Variants in JPH1 observed in about 807,000 individuals in gnomAD.
JPH1 encodes the protein junctophilin 1.
JPH1 carries 12 observed loss-of-function variants against 53.6 expected under a neutral mutation model. The ratio of observed to expected loss-of-function variants is 0.22; its 90% CI spans 0.14 to 0.36. JPH1 has a LOEUF of 0.36. Ranked by LOEUF, JPH1 falls within the 10% of genes least tolerant of loss-of-function variation. JPH1 has a pLI of 1.00. For missense variants in JPH1, 808 were observed against 905.5 expected (o/e 0.89, Z 1.38); for synonymous variants, 375 against 363.8 (o/e 1.03, Z -0.35).
At chr8:74,270,157 A>G (rs1420712851) in intron 2 of JPH1, among the ~76,000 whole-genome samples, 1 of 152,188 alleles carries the variant, frequency 6.6e-6, no homozygotes, top group Non-Finnish European at 1.5e-5. Flanking sequence ...ACATCTTACT[A>G]AAGACTGTAG....
At chr8:74,318,191 CTT>C (rs1160152858) in intron 1 of JPH1, among the ~76,000 whole-genome samples, 1 of 152,164 alleles carries the variant, frequency 6.6e-6, no homozygotes, top group Non-Finnish European at 1.5e-5. Context: ...ATTAGTTCCT[CTT>C]GATTCCTAAA....
chr8:74,245,812 T>G, intron 3 of JPH1, among the ~76,000 whole-genome samples: 1 of 151,858 alleles, frequency 6.6e-6, no homozygotes, highest in East Asian at 1.9e-4. Flanking sequence ...TTTCCTTTTT[T>G]ATATACCTCA....
Position 74,321,491 on chromosome 8 carries a change from T to G in JPH1, c.-204A>C. ...GCCGCCACCGCCGCCTTCCTCCTCC[T>G]CCTCCTCCTCCTTCGCCGCCGCCGC... On this transcript the variant is annotated 5_prime_UTR_variant, in exon 1 of 6. Coordinates refer to ENST00000342232, the MANE Select transcript of JPH1 (RefSeq NM_020647.4). This position sits in a 1 kb window ranked among gnomAD's most constrained non-coding sequence, Gnocchi z 4.3. The G allele has an allele frequency of 2.1e-6, 1 of 483,194 alleles. No individual in the cohort carries two copies. Among genetic ancestry groups the G allele is most frequent in the Non-Finnish European group, 3.5e-6 (1 of 287,720 alleles). The allele number at this position is 483,194 out of a possible 1,614,324, so 29.9% of individuals were successfully genotyped here.
intron 2 of JPH1, among the ~76,000 whole-genome samples, chr8:74,309,760 TAAGAAA>T (rs1333591428): frequency 6.6e-6 from 1 of 152,216 alleles, no homozygotes; most frequent in African/African-American, 2.4e-5. Context: ...ACTGAATGCC[TAAGAAA>T]TAGAATGCAA....
chr8:74,266,901 AAG>A (rs1806548810), intron 2 of JPH1, among the ~76,000 whole-genome samples: 1 of 152,200 alleles, frequency 6.6e-6, no homozygotes. Context: ...ATTTTAAGGA[AAG>A]AGGTGTCAGA....
chr8:74,254,012 A>C (rs1806145356), intron 3 of JPH1, among the ~76,000 whole-genome samples: 1 of 152,138 alleles, frequency 6.6e-6, no homozygotes, highest in Non-Finnish European at 1.5e-5. Context: ...CAATCAATAG[A>C]AAAAGAGGGA....
intron 4 of JPH1, among the ~76,000 whole-genome samples, chr8:74,243,353 A>C (rs1356772255): frequency 6.6e-6 from 1 of 152,116 alleles, no homozygotes; most frequent in Non-Finnish European, 1.5e-5. Context: ...ATGCAGGTGG[A>C]CTCCTAGGAA....
chr8:74,289,111 A>C (rs971670952), intron 2 of JPH1, among the ~76,000 whole-genome samples: 1 of 152,236 alleles, frequency 6.6e-6, no homozygotes, highest in African/African-American at 2.4e-5. Context: ...ATCTGTACTA[A>C]AACCACAGGA....
intron 3 of JPH1, among the ~76,000 whole-genome samples, chr8:74,248,347 G>A (rs1243139508): frequency 2.0e-5 from 3 of 152,218 alleles, no homozygotes; most frequent in African/African-American, 7.2e-5. Context: ...ATCTGGGTAA[G>A]GGAAAAAATG....
chr8:74,297,414 T>C (rs1394196351), intron 2 of JPH1, among the ~76,000 whole-genome samples: 7 of 152,202 alleles, frequency 4.6e-5, no homozygotes, highest in Non-Finnish European at 1.0e-4. Flanking sequence ...AAGATACAGA[T>C]GGTACCACAG....
chr8:74,321,435 ACGCCGCCCCCGTCCTCCCTCCTCTTTTGC>A lies in JPH1; in HGVS notation c.-177_-149del, dbSNP rs1283215609. The A allele has an allele frequency of 1.3e-5, 9 of 692,290 alleles. No homozygotes were observed. The African/African-American group carries it at 1.5e-4, about 12-fold the overall frequency. 42.9% of individuals were successfully genotyped at this position (692,290 alleles called of 1,614,324 possible). On this transcript the variant is annotated 5_prime_UTR_variant, in exon 1 of 6. Coordinates refer to ENST00000342232, the MANE Select transcript of JPH1 (RefSeq NM_020647.4). This position sits in a 1 kb window ranked among gnomAD's most constrained non-coding sequence, Gnocchi z 4.3. ...CGCGCTGCCGCTCGGCTCCAGTCCG[ACGCCGCCCCCGTCCTCCCTCCTCTTTTGC>A]CGCCGCCACCGCCGCCTTCCTCCTC...
At chr8:74,310,172 G>A (rs1297364652) in intron 2 of JPH1, among the ~76,000 whole-genome samples, 6 of 151,900 alleles carry the variant, frequency 3.9e-5, no homozygotes, top group Non-Finnish European at 7.4e-5. Flanking sequence ...AGAGCAGTTG[G>A]GATCCAGAAC....
chr8:74,318,244 C>T (rs531788572), intron 1 of JPH1, among the ~76,000 whole-genome samples: 87 of 152,148 alleles, frequency 5.7e-4, no homozygotes, highest in African/African-American at 1.8e-3. Context: ...TTACTTTTAC[C>T]AGTTTTAAAC....
In JPH1 at chr8:74,320,825, G is replaced by A. The variant is rs1214351747; in HGVS notation, c.379+84C>T. ...GCGGGTTTCCGGACACGTGCGCCCG[G>A]CGTCCTCCCCGCTTCCCCGCAGCCG... On this transcript the variant is annotated intron_variant, in intron 1 of 5. Transcript: ENST00000342232. This position sits in a 1 kb window ranked among gnomAD's most constrained non-coding sequence, Gnocchi z 4.4. 7.2e-7 allele frequency: 1 copy of A among 1,386,388 alleles called. No homozygotes were observed. Among genetic ancestry groups the A allele is most frequent in the Admixed American group, 3.3e-5 (1 of 30,548 alleles). 85.9% of individuals were successfully genotyped at this position (1,386,388 alleles called of 1,614,324 possible). A position where few individuals can be genotyped will look rare whatever the true frequency, so the allele number is the denominator to read the frequency against.
intron 3 of JPH1, among the ~76,000 whole-genome samples, chr8:74,252,658 T>C: frequency 6.6e-6 from 1 of 152,034 alleles, no homozygotes; most frequent in African/African-American, 2.4e-5. Context: ...CCATCTCACG[T>C]GCAGAGACAC....
rs993677622 is a variant in JPH1 at position 74,290,515 on chromosome 8, C to T, written c.1139+24346G>A. Among the ~76,000 whole-genome samples the T allele has an allele frequency of 4.6e-5, 7 of 152,116 alleles. No individual in the cohort carries two copies. In the East Asian group the frequency reaches 5.8e-4, roughly 13 times the overall value. On this transcript the variant is annotated intron_variant, in intron 2 of 5. Coordinates refer to ENST00000342232, the MANE Select transcript of JPH1 (RefSeq NM_020647.4). ...CAAATGGAAGAACATTCCATGCTCA[C>T]CGATAGGAAGAATCAATGTTGTGAA...
At position 74,320,236 on chromosome 8, in the gene JPH1, C is replaced by T. The variant is rs371597153; in HGVS notation, c.379+673G>A. On this transcript the variant is annotated intron_variant, in intron 1 of 5. Coordinates refer to ENST00000342232, the MANE Select transcript of JPH1 (RefSeq NM_020647.4). The surrounding 1 kb of genome is among the most constrained non-coding windows in gnomAD (Gnocchi z 4.4). ...GACTGCTACTCTTTTAAGACCAATA[C>T]TTTAAGAAACGGAATGAAAACTAGG... Among the ~76,000 whole-genome samples, 1 of 152,322 alleles carries T rather than the reference C, an allele frequency of 6.6e-6. No homozygotes were observed. Among genetic ancestry groups the T allele is most frequent in the African/African-American group, 2.4e-5 (1 of 41,580 alleles).
At chr8:74,310,911 G>A (rs1807975593) in intron 2 of JPH1, among the ~76,000 whole-genome samples, 1 of 152,228 alleles carries the variant, frequency 6.6e-6, no homozygotes, top group Non-Finnish European at 1.5e-5. Flanking sequence ...CAGGGACAGT[G>A]TTGTGATCTT....
chr8:74,294,642 T>C (rs1421292972), intron 2 of JPH1, among the ~76,000 whole-genome samples: 1 of 151,496 alleles, frequency 6.6e-6, no homozygotes, highest in East Asian at 1.9e-4. Flanking sequence ...TACATATTCA[T>C]CTGTCTCTTG....
Sources: gnomAD v4.1 joint callset for allele counts (sites outside exome capture counted in the v4.1 genomes callset) on GRCh38, gnomAD v4.1.1 for gene constraint, Gnocchi (gnomAD v3.1) non-coding constraint, MANE v1.5 for transcripts, NCBI Gene and HGNC (gene_info 2026-07-23, HGNC 2026-07-21) for gene names.